Variants in MCTP1 observed in about 807,000 individuals in gnomAD.
The protein encoded by MCTP1 is multiple C2 and transmembrane domain-containing protein 1.
Under a neutral mutation model 120.6 loss-of-function variants are expected in MCTP1, and 69 were observed. That is an observed-to-expected ratio of 0.57 (90% CI 0.47 to 0.70). The LOEUF is 0.70. Ranked by LOEUF, MCTP1 falls within the 30% of genes least tolerant of loss-of-function variation. MCTP1 has a pLI of 0.00. For synonymous variants in MCTP1, 529 were observed against 493.1 expected (o/e 1.07, Z -0.96); for missense variants, 1,203 against 1,248.8 (o/e 0.96, Z 0.55).
At chr5:94,790,109 G>T (rs567811195) in intron 18 of MCTP1, among the ~76,000 whole-genome samples, 47 of 152,266 alleles carry the variant, frequency 3.1e-4, no homozygotes, top group African/African-American at 1.1e-3. Flanking sequence ...TTCTAATTTG[G>T]TCGTGAGGTC....
Position 94,705,719 on chromosome 5 carries a change from G to A in MCTP1, c.*1777C>T, listed in dbSNP as rs944840949. On this transcript the variant is annotated 3_prime_UTR_variant, in exon 23 of 23. Transcript: ENST00000515393. ...GCTTATAGACATTTGAGTACACATT[G>A]TCAGCACAGAACATAAAAGTCTCAC... is the stretch of plus-strand genomic sequence containing the variant. 4.0e-5 allele frequency: 6 copies of A among 151,556 alleles called. No homozygotes were observed. Among genetic ancestry groups the A allele is most frequent in the African/African-American group, 1.5e-4 (6 of 41,340 alleles). The allele number at this position is 151,556 out of a possible 1,614,324, so 9.4% of individuals were successfully genotyped here. A position where few individuals can be genotyped will look rare whatever the true frequency, so the allele number is the denominator to read the frequency against.
At chr5:95,149,916 G>T (rs73777312) in intron 1 of MCTP1, among the ~76,000 whole-genome samples, 3,527 of 152,210 alleles carry the variant, frequency 0.023, 146 homozygotes, top group African/African-American at 0.081. Context: ...CCATGTTACA[G>T]AACTTCTCCT....
intron 17 of MCTP1, among the ~76,000 whole-genome samples, chr5:94,819,404 T>A (rs971443091): frequency 1.4e-4 from 22 of 152,252 alleles, no homozygotes; most frequent in African/African-American, 5.3e-4. Context: ...GTGCTGGGAT[T>A]ACAGGCATGA....
In MCTP1 at chr5:95,084,597, C is replaced by T. The variant is rs536192911; in HGVS notation, c.721-67113G>A. Among the ~76,000 whole-genome samples, 100 of 151,108 alleles carry T rather than the reference C, an allele frequency of 6.6e-4. No individual in the cohort carries two copies. The South Asian group carries it at 0.01, about 15-fold the overall frequency. On this transcript the variant is annotated intron_variant, in intron 1 of 22. Coordinates refer to ENST00000515393, the MANE Select transcript of MCTP1 (RefSeq NM_024717.7). Reference sequence around the variant, plus strand: ...ATTTTATTGGCTTTATAAAATACAGCTTGGATTTATTCAACTGCAAATATA... The same window carrying T: ...ATTTTATTGGCTTTATAAAATACAGTTTGGATTTATTCAACTGCAAATATA...
At chr5:95,227,812 C>A (rs1460121033) in intron 1 of MCTP1, among the ~76,000 whole-genome samples, 1 of 151,904 alleles carries the variant, frequency 6.6e-6, no homozygotes, top group Non-Finnish European at 1.5e-5. Flanking sequence ...AAAAAGGATG[C>A]AAAGCATTTA....
chr5:95,236,099 G>A (rs1231922061), intron 1 of MCTP1, among the ~76,000 whole-genome samples: 2 of 152,164 alleles, frequency 1.3e-5, no homozygotes, highest in Non-Finnish European at 2.9e-5. Flanking sequence ...TCACAAAAAT[G>A]GAACAGATTG....
intron 1 of MCTP1, among the ~76,000 whole-genome samples, chr5:95,034,831 G>A (rs1840957276): frequency 6.6e-6 from 1 of 151,926 alleles, no homozygotes; most frequent in African/African-American, 2.4e-5. Flanking sequence ...TCCAACAAAA[G>A]ACTAATATCC....
intron 1 of MCTP1, among the ~76,000 whole-genome samples, chr5:95,238,446 T>TAA (rs1375478580): frequency 6.6e-6 from 1 of 152,186 alleles, no homozygotes; most frequent in African/African-American, 2.4e-5. Context: ...GCATGGGGGC[T>TAA]AACACTGTTT....
chr5:94,710,977 C>T (rs747386158), intron 20 of MCTP1, 50 bp from the exon 21 acceptor site: 34 of 1,252,558 alleles, frequency 2.7e-5, no homozygotes, highest in Non-Finnish European at 3.8e-5. Flanking sequence ...ATACTTTTTT[C>T]AAATATTAAA....
At chr5:95,278,300 G>A (rs143911937) in intron 1 of MCTP1, among the ~76,000 whole-genome samples, 93 of 152,232 alleles carry the variant, frequency 6.1e-4, no homozygotes, top group African/African-American at 1.9e-3. Flanking sequence ...CAATGGTGCC[G>A]ACAAATCAAA....
chr5:94,719,458 C>T (rs940827137), intron 19 of MCTP1, among the ~76,000 whole-genome samples: 24 of 152,138 alleles, frequency 1.6e-4, no homozygotes, highest in East Asian at 3.9e-4. Flanking sequence ...AAATGTGGTA[C>T]ATATATACCA....
At chr5:94,877,942 T>C (rs1404792645) in intron 12 of MCTP1, among the ~76,000 whole-genome samples, 2 of 152,092 alleles carry the variant, frequency 1.3e-5, no homozygotes, top group African/African-American at 4.8e-5. Context: ...TGTGTGTGTA[T>C]GGGGACCCAG....
At chr5:95,273,284 ATATCATTTCTATTTTGAGAGAATATCTAT>A (rs1482346320) in intron 1 of MCTP1, among the ~76,000 whole-genome samples, 3 of 152,272 alleles carry the variant, frequency 2.0e-5, no homozygotes, top group Admixed American at 6.5e-5. Flanking sequence ...AATGGATAGA[ATATCATTTCTATTTTGAGAGAATATCTAT>A]TGGCAGTTTT....
At chr5:95,134,114 T>A (rs550069631) in intron 1 of MCTP1, among the ~76,000 whole-genome samples, 2 of 152,212 alleles carry the variant, frequency 1.3e-5, no homozygotes, top group African/African-American at 4.8e-5. Flanking sequence ...TACCATAGGA[T>A]GCTTCAAATC....
intron 1 of MCTP1, among the ~76,000 whole-genome samples, chr5:95,207,978 GGA>G (rs1751845865): frequency 2.6e-5 from 2 of 76,158 alleles, no homozygotes; most frequent in East Asian, 6.2e-4. Flanking sequence ...GGAGAGAGAG[GGA>G]GAGAGAGAGA....
At chr5:95,121,423 T>C (rs567431170) in intron 1 of MCTP1, among the ~76,000 whole-genome samples, 1 of 145,376 alleles carries the variant, frequency 6.9e-6, no homozygotes, top group African/African-American at 2.6e-5. Flanking sequence ...TAAAATAAAA[T>C]ACCTAGGAAT....
At chr5:94,782,752 A>C (rs1776832457) in intron 18 of MCTP1, among the ~76,000 whole-genome samples, 1 of 152,148 alleles carries the variant, frequency 6.6e-6, no homozygotes, top group Admixed American at 6.6e-5. Flanking sequence ...AAGTATACAA[A>C]GTCCAGTTGC....
chr5:94,996,141 T>G (rs1832572917), intron 2 of MCTP1, among the ~76,000 whole-genome samples: 1 of 152,166 alleles, frequency 6.6e-6, no homozygotes, highest in South Asian at 2.1e-4. Context: ...ATATAATATT[T>G]AAAGCAAACA....
At chr5:95,122,448 G>C (rs1338477437) in intron 1 of MCTP1, among the ~76,000 whole-genome samples, 1 of 152,064 alleles carries the variant, frequency 6.6e-6, no homozygotes, top group Non-Finnish European at 1.5e-5. Flanking sequence ...ACAACAATGA[G>C]ATATCATCTC....
Sources: gnomAD v4.1 joint callset for allele counts (sites outside exome capture counted in the v4.1 genomes callset) on GRCh38, gnomAD v4.1.1 for gene constraint, MANE v1.5 for transcripts, NCBI Gene and HGNC (gene_info 2026-07-23, HGNC 2026-07-21) for gene names.